GOLGB1: variants seen among roughly 807,000 people sequenced by gnomAD.
GOLGB1 encodes golgin B1.
A neutral mutation model predicts 336.9 loss-of-function variants in GOLGB1; 174 were observed. The observed-to-expected ratio is 0.52, with a 90% CI of 0.46 to 0.59. The LOEUF is 0.59. Among genes scored for constraint, GOLGB1 ranks in the 20% least tolerant of loss-of-function variants. GOLGB1 has a pLI of 0.00. For synonymous variants in GOLGB1, 1,208 were observed against 1,289.2 expected, an observed-to-expected ratio of 0.94 and a Z score of 1.35; for missense variants, 3,331 against 3,645.3, an observed-to-expected ratio of 0.91 and a Z score of 2.22.
intron 1 of GOLGB1, among the ~76,000 whole-genome samples, chr3:121,734,867 A>G (rs1946372732): frequency 6.6e-6 from 1 of 152,232 alleles, no homozygotes; most frequent in African/African-American, 2.4e-5. Context: ...AGGTTTACTC[A>G]TAATCACAGA....
chr3:121,742,123 G>A (rs1342947760), intron 1 of GOLGB1, among the ~76,000 whole-genome samples: 2 of 152,104 alleles, frequency 1.3e-5, no homozygotes, highest in African/African-American at 4.8e-5. Flanking sequence ...CTACTTTAAA[G>A]TTCATATGGA....
At chr3:121,729,001 A>C in intron 4 of GOLGB1, 187 bp downstream of exon 4, 1 of 411,754 alleles carries the variant, frequency 2.4e-6, no homozygotes, top group Non-Finnish European at 4.3e-6. Flanking sequence ...TTTTCTGTAC[A>C]TCTTTCATTC....
At chr3:121,668,782 T>G (rs1052643913) in intron 18 of GOLGB1, among the ~76,000 whole-genome samples, 1 of 152,020 alleles carries the variant, frequency 6.6e-6, no homozygotes, top group African/African-American at 2.4e-5. Context: ...AACCCCCTTT[T>G]CCTCCTCCGT....
At chr3:121,727,324 T>A (rs1205783247) in intron 4 of GOLGB1, among the ~76,000 whole-genome samples, 858 of 47,604 alleles carry the variant, frequency 0.018, no homozygotes, top group Non-Finnish European at 0.027. Context: ...ATATATATTT[T>A]TTTTTTTTTT....
chr3:121,722,693 C>T lies in GOLGB1; in HGVS notation c.532-315G>A, dbSNP rs376085686. Among the ~76,000 whole-genome samples the T allele has an allele frequency of 3.3e-5, 5 of 152,062 alleles. No homozygotes were observed. The East Asian group carries it at 9.6e-4, about 29-fold the overall frequency. ...CGTCCTAAAAACCCTAAAATATAAG[C>T]TAATAAGGACAAACCACCAAAACCC... On this transcript the variant is annotated intron_variant, in intron 5 of 21. Coordinates refer to ENST00000614479, the MANE Select transcript of GOLGB1 (RefSeq NM_001366282.2).
chr3:121,704,928 T>G (rs1560260194), intron 10 of GOLGB1, among the ~76,000 whole-genome samples: 1 of 152,080 alleles, frequency 6.6e-6, no homozygotes, highest in Non-Finnish European at 1.5e-5. Context: ...AGACCTATAC[T>G]ATAATATTAT....
rs1464196130 is a variant in GOLGB1 at position 121,690,660 on chromosome 3, A to G, written c.8694+10T>C. ...TTAAACAGATCAGAAAGAAAGAACT[A>G]GCTACTCACTAGTCTGTCTCTGTCA... On this transcript the variant is annotated intron_variant, in intron 14 of 21. Coordinates refer to ENST00000614479, the MANE Select transcript of GOLGB1 (RefSeq NM_001366282.2). 1 of 1,348,414 alleles carries G rather than the reference A, an allele frequency of 7.4e-7. No homozygotes were observed. The allele number at this position is 1,348,414 out of a possible 1,614,324, so 83.5% of individuals were successfully genotyped here.
At chr3:121,719,892 T>C (rs1945058597) in intron 6 of GOLGB1, 124 bp from the exon 7 acceptor site, 5 of 786,660 alleles carry the variant, frequency 6.4e-6, no homozygotes, top group Admixed American at 3.9e-5. Flanking sequence ...AGTGAAATTT[T>C]GATTGTCAAG....
At chr3:121,718,720 C>A (rs1038476195) in intron 7 of GOLGB1, among the ~76,000 whole-genome samples, 8 of 152,124 alleles carry the variant, frequency 5.3e-5, no homozygotes, top group Admixed American at 2.6e-4. Flanking sequence ...CAGACCCAGA[C>A]ACAAGCAAGT....
intron 14 of GOLGB1, among the ~76,000 whole-genome samples, chr3:121,685,315 T>A (rs1941597523): frequency 6.6e-6 from 1 of 152,042 alleles, no homozygotes; most frequent in South Asian, 2.1e-4. Flanking sequence ...GGCAGGTGGA[T>A]CACGAGGTCA....
chr3:121,692,609 C>G (rs771051149), intron 13 of GOLGB1, 28 bp from the exon 14 acceptor site: 5 of 1,361,646 alleles, frequency 3.7e-6, no homozygotes, highest in South Asian at 2.8e-5. Flanking sequence ...TCATTAGTTA[C>G]AGATTTCAAG....
chr3:121,681,574 A>C (rs1031566463), intron 15 of GOLGB1, 113 bp downstream of exon 15: 1 of 730,732 alleles, frequency 1.4e-6, no homozygotes, highest in Non-Finnish European at 2.3e-6. Flanking sequence ...CACTGGAAGA[A>C]ACTGGGTGAA....
At position 121,693,930 on chromosome 3, in the gene GOLGB1, C is replaced by G; in HGVS notation, c.6593G>C (p.Ser2198Thr). Residue 2198 changes from serine to threonine, a missense_variant, in exon 13 of 22, where the codon AGC (serine) becomes ACC (threonine). Coordinates refer to ENST00000614479, the MANE Select transcript of GOLGB1 (RefSeq NM_001366282.2). ...TVTQLAAFTK[S>T]MSSLQDDRDR... ...ACGATCATCCTGGAGGGAAGACATG[C>G]TCTTAGTAAAGGCTGCAAGCTGGGT... 1 of 1,613,992 alleles carries G rather than the reference C, an allele frequency of 6.2e-7. No individual in the cohort carries two copies. Among genetic ancestry groups the G allele is most frequent in the African/African-American group, 1.3e-5 (1 of 75,042 alleles).
At chr3:121,745,015 CTACAGCTGTTGACAT>C (rs1242908223) in intron 1 of GOLGB1, among the ~76,000 whole-genome samples, 1 of 152,130 alleles carries the variant, frequency 6.6e-6, no homozygotes, top group Non-Finnish European at 1.5e-5. Context: ...GCCCCCTACT[CTACAGCTGTTGACAT>C]TAAAGGAATA....
rs767513997 is a variant in GOLGB1, at chr3:121,681,646, T to A, written c.8873+41A>T. 5.1e-6 allele frequency: 7 copies of A among 1,361,960 alleles called. No homozygotes were observed. The South Asian group carries it at 6.5e-5, about 13-fold the overall frequency. The allele number at this position is 1,361,960 out of a possible 1,614,324, so 84.4% of individuals were successfully genotyped here. On this transcript the variant is annotated intron_variant, in intron 15 of 21. Coordinates refer to ENST00000614479, the MANE Select transcript of GOLGB1 (RefSeq NM_001366282.2). ...CTACAATTATTTCAAAATAAAAAGT[T>A]AAAATGAAAAGAGTTGAAAAGGAGG...
Position 121,715,006 on chromosome 3 carries a change from A to G in GOLGB1, c.1289-30T>C, listed in dbSNP as rs201460455. The G allele has an allele frequency of 8.3e-5, 99 of 1,194,468 alleles. No homozygotes were observed. In the African/African-American group the frequency reaches 1.2e-3, roughly 14 times the overall value. 74.0% of individuals were successfully genotyped at this position (1,194,468 alleles called of 1,614,324 possible). On this transcript the variant is annotated intron_variant, in intron 9 of 21. Transcript: ENST00000614479. ...GGAAAAGAAAAAAAATAAATGTAATATTTGCTTCAAGTCTGAAATGTAGTT... is the reference window on the plus strand; with the variant it reads ...GGAAAAGAAAAAAAATAAATGTAATGTTTGCTTCAAGTCTGAAATGTAGTT...
At chr3:121,706,353 A>G (rs1263928300) in intron 10 of GOLGB1, among the ~76,000 whole-genome samples, 1 of 152,158 alleles carries the variant, frequency 6.6e-6, no homozygotes. Flanking sequence ...GTCAAGGTAC[A>G]TTATAATTCA....
Position 121,719,675 on chromosome 3 carries a change from G to GT in GOLGB1, c.741_742insA (p.Gln248ThrfsTer20). 6.2e-7 allele frequency: 1 copy of GT among 1,610,236 alleles called. No individual in the cohort carries two copies. Among genetic ancestry groups the GT allele is most frequent in the Non-Finnish European group, 8.5e-7 (1 of 1,178,070 alleles). On this transcript the variant is annotated frameshift_variant, in exon 7 of 22. Coordinates refer to ENST00000614479, the MANE Select transcript of GOLGB1 (RefSeq NM_001366282.2). LOFTEE classifies it high-confidence loss of function. Reference sequence around the variant, plus strand: ...TGCATCTCTGTTTCCACATCTGCCTGGGTTACTAACTGAAGAAGCTCATCT... The same window carrying GT: ...TGCATCTCTGTTTCCACATCTGCCTGTGGTTACTAACTGAAGAAGCTCATCT...
intron 14 of GOLGB1, among the ~76,000 whole-genome samples, chr3:121,685,259 G>A (rs1055049520): frequency 3.3e-5 from 5 of 152,148 alleles, no homozygotes; most frequent in Non-Finnish European, 7.3e-5. Context: ...CACACTGGCC[G>A]GGTGCAGTGG....
Sources: allele counts gnomAD v4.1 joint callset (sites outside exome capture counted in the v4.1 genomes callset), GRCh38; gene constraint gnomAD v4.1.1; transcripts MANE v1.5; gene names NCBI Gene and HGNC (gene_info 2026-07-23, HGNC 2026-07-21).